Variants in ANKIB1 observed in about 807,000 individuals in gnomAD.
ANKIB1 encodes the protein ankyrin repeat and IBR domain-containing protein 1.
Under a neutral mutation model 122.1 loss-of-function variants are expected in ANKIB1, and 43 were observed. The observed-to-expected ratio is 0.35, with a 90% CI of 0.28 to 0.45. The LOEUF (loss-of-function observed/expected upper bound fraction) is 0.45. ANKIB1 is among the 20% of genes least tolerant of loss of function. The probability of loss-of-function intolerance (pLI) is 1.00; values close to 1 mark genes in which losing one functional copy is unlikely to be tolerated. For synonymous variants in ANKIB1, 390 were observed against 442.0 expected, an observed-to-expected ratio of 0.88 and a Z score of 1.48; for missense variants, 992 against 1,329.5, an observed-to-expected ratio of 0.75 and a Z score of 3.95.
At chr7:92,309,942 A>AATATATATATATATATATATATAT (rs1162113763) in intron 3 of ANKIB1, among the ~76,000 whole-genome samples, 14 of 91,734 alleles carry the variant, frequency 1.5e-4, no homozygotes, top group African/African-American at 6.8e-4. Context: ...AAAAAAAAAA[A>AATATATATATATATATATATATAT]ATATATATAT....
intron 5 of ANKIB1, among the ~76,000 whole-genome samples, chr7:92,340,819 G>A (rs1316657863): frequency 6.6e-6 from 1 of 152,192 alleles, no homozygotes; most frequent in Non-Finnish European, 1.5e-5. Flanking sequence ...AAAAGATATG[G>A]ATAGGTAATT....
In ANKIB1 at chr7:92,249,863, TC is replaced by T. The variant is rs544227539; in HGVS notation, c.-91+3352del. 3.8e-4 allele frequency among the ~76,000 whole-genome samples: 58 copies of T among 151,046 alleles called. 1 individual carries two copies. Among genetic ancestry groups the T allele is most frequent in the South Asian group, 1.3e-3 (6 of 4,774 alleles). On this transcript the variant is annotated intron_variant, in intron 1 of 19. Transcript: ENST00000265742. ...TATATTTTATCTCCATTTAAAGATC[TC>T]CCCCCCCACACGCGAATAAACTAAA...
chr7:92,259,190 A>G lies in ANKIB1; in HGVS notation c.-91+12671A>G, dbSNP rs192142365. Among the ~76,000 whole-genome samples, 152 of 152,266 alleles carry G rather than the reference A, an allele frequency of 1.0e-3. 1 individual carries two copies. Among genetic ancestry groups the G allele is most frequent in the African/African-American group, 3.5e-3 (145 of 41,546 alleles). ...AGGCTGGTCTCGGACTCTTGAGCTCAAGTGAGCCACCTGCCTCAGCCTTCC... is the reference window on the plus strand; with the variant it reads ...AGGCTGGTCTCGGACTCTTGAGCTCGAGTGAGCCACCTGCCTCAGCCTTCC... On this transcript the variant is annotated intron_variant, in intron 1 of 19. Coordinates refer to ENST00000265742, the MANE Select transcript of ANKIB1 (RefSeq NM_019004.2).
chr7:92,320,699 A>C (rs1449906371), intron 4 of ANKIB1, among the ~76,000 whole-genome samples: 1 of 151,842 alleles, frequency 6.6e-6, no homozygotes, highest in Admixed American at 6.6e-5. Context: ...AGCCCTCACC[A>C]CCTTCACTTC....
chr7:92,338,936 ATATATATATATAT>A (rs1803366167), intron 5 of ANKIB1, among the ~76,000 whole-genome samples: 12 of 22,474 alleles, frequency 5.3e-4, no homozygotes, highest in East Asian at 1.0e-3. Flanking sequence ...AAAAAAAAAT[ATATATATATATAT>A]ATATATATAT....
At chr7:92,393,915 C>A (rs1306988754) in intron 17 of ANKIB1, among the ~76,000 whole-genome samples, 3 of 152,066 alleles carry the variant, frequency 2.0e-5, no homozygotes, top group Non-Finnish European at 4.4e-5. Context: ...AGGGAAAAAA[C>A]AAGGTTACCA....
intron 11 of ANKIB1, among the ~76,000 whole-genome samples, chr7:92,378,118 G>A (rs1007717446): frequency 2.0e-5 from 3 of 152,166 alleles, no homozygotes; most frequent in Non-Finnish European, 4.4e-5. Flanking sequence ...ACATAATCCA[G>A]CAGAGCACAT....
At chr7:92,248,828 C>T (rs1801257971) in intron 1 of ANKIB1, among the ~76,000 whole-genome samples, 1 of 151,240 alleles carries the variant, frequency 6.6e-6, no homozygotes, top group African/African-American at 2.4e-5. Flanking sequence ...GTTTATTTTT[C>T]AGATAACCTC....
chr7:92,309,285 A>G (rs143086405), intron 3 of ANKIB1, among the ~76,000 whole-genome samples: 126 of 152,220 alleles, frequency 8.3e-4, no homozygotes, highest in African/African-American at 2.8e-3. Flanking sequence ...AGATCTCTCT[A>G]TGTTGTCCAG....
chr7:92,340,032 C>G (rs538883886), intron 5 of ANKIB1, among the ~76,000 whole-genome samples: 2 of 151,754 alleles, frequency 1.3e-5, no homozygotes, highest in East Asian at 3.9e-4. Context: ...TGTTTTTTCT[C>G]CCTTGGCCTT....
chr7:92,330,564 C>T (rs565887064), intron 5 of ANKIB1, among the ~76,000 whole-genome samples: 3 of 151,712 alleles, frequency 2.0e-5, no homozygotes, highest in Admixed American at 6.6e-5. Context: ...TATTTTTGGC[C>T]GGGCGCAGTG....
rs560020579 is a variant in ANKIB1, at chr7:92,333,908, A to G, written c.787+6008A>G. On this transcript the variant is annotated intron_variant, in intron 5 of 19. Coordinates refer to ENST00000265742, the MANE Select transcript of ANKIB1 (RefSeq NM_019004.2). ...TTGAAAAATAATACTATCCTAAGAA[A>G]GTTGTTTTTACTTTATATGCCTCAC... Among the ~76,000 whole-genome samples the G allele has an allele frequency of 3.3e-5, 5 of 152,284 alleles. No homozygotes were observed. The East Asian group carries it at 9.6e-4, about 29-fold the overall frequency.
intron 1 of ANKIB1, among the ~76,000 whole-genome samples, chr7:92,255,272 A>G (rs565164411): frequency 6.6e-6 from 1 of 152,328 alleles, no homozygotes; most frequent in Non-Finnish European, 1.5e-5. Context: ...CTTTTTCCTA[A>G]ACTTTCTTCT....
intron 1 of ANKIB1, among the ~76,000 whole-genome samples, chr7:92,286,516 GT>G (rs1250568075): frequency 7.6e-6 from 1 of 132,440 alleles, no homozygotes; most frequent in Non-Finnish European, 1.6e-5. Context: ...TTTCGCTTTT[GT>G]TGCCCAGGCT....
intron 10 of ANKIB1, among the ~76,000 whole-genome samples, chr7:92,370,460 A>C (rs965572163): frequency 2.3e-4 from 32 of 138,994 alleles, no homozygotes; most frequent in Admixed American, 1.0e-3. Context: ...GTGAGCCGAG[A>C]TCGAGCCACT....
chr7:92,348,613 T>G (rs181758114), intron 7 of ANKIB1, among the ~76,000 whole-genome samples: 104 of 152,274 alleles, frequency 6.8e-4, no homozygotes, highest in Non-Finnish European at 1.2e-3. Context: ...CTTGAACCCC[T>G]GACCTTGTGA....
chr7:92,387,450 A>G (rs1804681497), intron 12 of ANKIB1, among the ~76,000 whole-genome samples: 1 of 152,078 alleles, frequency 6.6e-6, no homozygotes, highest in Admixed American at 6.6e-5. Context: ...AGCCTGGCCA[A>G]CATGGTAAAA....
Position 92,354,490 on chromosome 7 carries a change from C to A in ANKIB1, c.1397+1848C>A, listed in dbSNP as rs142970005. Reference sequence around the variant, plus strand: ...AGGGTAGTAGAGAACCTAACAAAATCATCATTTTTTGGACATAGCACCAGA... The same window carrying A: ...AGGGTAGTAGAGAACCTAACAAAATAATCATTTTTTGGACATAGCACCAGA... On this transcript the variant is annotated intron_variant, in intron 9 of 19. Coordinates refer to ENST00000265742, the MANE Select transcript of ANKIB1 (RefSeq NM_019004.2). Among the ~76,000 whole-genome samples, 542 of 152,194 alleles carry A rather than the reference C, an allele frequency of 3.6e-3. 3 individuals are homozygous for A. The highest frequency in any genetic ancestry group is 0.012 in the African/African-American group (510 of 41,528).
intron 5 of ANKIB1, among the ~76,000 whole-genome samples, chr7:92,333,520 T>C (rs1010977047): frequency 1.4e-4 from 22 of 152,204 alleles, no homozygotes; most frequent in African/African-American, 5.1e-4. Context: ...ATGCCCTCTC[T>C]GACCTCCCTG....
Sources: gnomAD v4.1 joint callset for allele counts (sites outside exome capture counted in the v4.1 genomes callset) on GRCh38, gnomAD v4.1.1 for gene constraint, MANE v1.5 for transcripts, NCBI Gene and HGNC (gene_info 2026-07-23, HGNC 2026-07-21) for gene names.